RAD54B: variants seen among roughly 807,000 people sequenced by gnomAD.
RAD54B encodes RAD54 homolog B, also known as DNA repair and recombination protein RAD54B.
In RAD54B, 78 loss-of-function variants were observed where a neutral mutation model predicts 95.8. The observed-to-expected ratio is 0.81, with a 90% CI of 0.68 to 0.98. The LOEUF is 0.98. Among genes scored for constraint, RAD54B ranks in the 50% least tolerant of loss-of-function variants. The pLI, the probability that RAD54B is intolerant of heterozygous loss-of-function variation, is 0.00. For missense variants in RAD54B, 957 were observed against 1,056.6 expected (o/e 0.91, Z 1.31); for synonymous variants, 328 against 354.9 (o/e 0.92, Z 0.85).
chr8:94,439,238 C>T (rs1812339644), intron 3 of RAD54B, among the ~76,000 whole-genome samples: 1 of 152,100 alleles, frequency 6.6e-6, no homozygotes, highest in Admixed American at 6.5e-5. Context: ...AGGAAATCTT[C>T]TAAAATTGTG....
At chr8:94,432,962 A>C (rs576584612) in intron 3 of RAD54B, among the ~76,000 whole-genome samples, 9 of 152,116 alleles carry the variant, frequency 5.9e-5, no homozygotes, top group Non-Finnish European at 1.0e-4. Context: ...CATGTTGTCA[A>C]ACAGACACCA....
intron 3 of RAD54B, among the ~76,000 whole-genome samples, chr8:94,415,613 A>T (rs1234240444): frequency 7.2e-6 from 1 of 139,118 alleles, no homozygotes; most frequent in Non-Finnish European, 1.6e-5. Context: ...TTCGCAACCT[A>T]CTCATCTGAC....
At chr8:94,452,751 C>A (rs1812690607) in intron 3 of RAD54B, among the ~76,000 whole-genome samples, 1 of 152,170 alleles carries the variant, frequency 6.6e-6, no homozygotes, top group East Asian at 1.9e-4. Flanking sequence ...CCCATCTCGG[C>A]CTCCCAAAGT....
Position 94,374,172 on chromosome 8 carries a change from G to A in RAD54B, c.2516-1785C>T, listed in dbSNP as rs529390495. Among the ~76,000 whole-genome samples, 146 of 152,160 alleles carry A rather than the reference G, an allele frequency of 9.6e-4. 1 individual carries two copies. The highest frequency in any genetic ancestry group is 3.0e-3 in the African/African-American group (124 of 41,532). ...CAGGCGCCTGTAGTCCCAGCTACTC[G>A]GGAGGCTGAGGCAGGAGAATGGCGT... On this transcript the variant is annotated intron_variant, in intron 14 of 14. Coordinates refer to ENST00000336148, the MANE Select transcript of RAD54B (RefSeq NM_012415.3).
intron 3 of RAD54B, among the ~76,000 whole-genome samples, chr8:94,437,817 G>A (rs980745901): frequency 6.6e-6 from 1 of 152,156 alleles, no homozygotes; most frequent in African/African-American, 2.4e-5. Context: ...AAAGGAAACA[G>A]CTAGTCTAGC....
intron 3 of RAD54B, chr8:94,432,010 T>C (rs1286297042): frequency 2.3e-6 from 3 of 1,313,558 alleles, no homozygotes; most frequent in African/African-American, 1.5e-5. Flanking sequence ...ATCTAAAAAG[T>C]TTTTCCATAA....
chr8:94,470,594 TAAAA>T (rs58169172), intron 1 of RAD54B, among the ~76,000 whole-genome samples: 1 of 129,324 alleles, frequency 7.7e-6, no homozygotes. Flanking sequence ...AAACTTCGTC[TAAAA>T]AAAAAAAAAA....
intron 1 of RAD54B, 96 bp from the exon 2 acceptor site, chr8:94,467,651 A>T (rs3099398): frequency 7.8e-7 from 1 of 1,276,186 alleles, no homozygotes; most frequent in South Asian, 1.7e-5. Flanking sequence ...GATGGAACAG[A>T]AACCCCTCTT....
At chr8:94,390,440 C>G (rs1810989234) in intron 10 of RAD54B, among the ~76,000 whole-genome samples, 1 of 151,260 alleles carries the variant, frequency 6.6e-6, no homozygotes, top group Admixed American at 6.6e-5. Context: ...GTGGAGGTTG[C>G]AGTGAGCCAA....
intron 8 of RAD54B, among the ~76,000 whole-genome samples, chr8:94,394,684 C>T (rs764639385): frequency 2.6e-5 from 4 of 152,052 alleles, no homozygotes; most frequent in Non-Finnish European, 5.9e-5. Flanking sequence ...GAAACATTAG[C>T]ATGTTTCAAT....
chr8:94,387,730 T>G (rs1258982180), intron 10 of RAD54B, among the ~76,000 whole-genome samples: 1 of 152,236 alleles, frequency 6.6e-6, no homozygotes, highest in Non-Finnish European at 1.5e-5. Flanking sequence ...TACTTTTTAT[T>G]TCACCAATAG....
At chr8:94,472,560 A>T (rs1391821143) in intron 1 of RAD54B, among the ~76,000 whole-genome samples, 3 of 152,246 alleles carry the variant, frequency 2.0e-5, no homozygotes, top group Non-Finnish European at 4.4e-5. Context: ...CATGAAATGT[A>T]ATCAGTTCTG....
intron 1 of RAD54B, among the ~76,000 whole-genome samples, chr8:94,468,696 G>A (rs1245435253): frequency 3.3e-5 from 5 of 152,038 alleles, no homozygotes; most frequent in Non-Finnish European, 7.4e-5. Context: ...AGGAGTGGTG[G>A]CGGGCGCCTG....
chr8:94,396,537 A>G (rs1811150957), intron 8 of RAD54B, among the ~76,000 whole-genome samples: 1 of 151,954 alleles, frequency 6.6e-6, no homozygotes, highest in Non-Finnish European at 1.5e-5. Context: ...ACACATTTAT[A>G]TTTTTCCTTT....
At chr8:94,434,038 T>C (rs1041015712) in intron 3 of RAD54B, among the ~76,000 whole-genome samples, 6 of 151,846 alleles carry the variant, frequency 4.0e-5, no homozygotes, top group Admixed American at 3.9e-4. Flanking sequence ...TTCATTTTTG[T>C]TCTTGTCTCT....
intron 3 of RAD54B, chr8:94,432,512 A>G: frequency 6.4e-7 from 1 of 1,550,514 alleles, no homozygotes; most frequent in Non-Finnish European, 8.7e-7. Flanking sequence ...CTAAAGTATC[A>G]CTCTGTTGAG....
Position 94,378,256 on chromosome 8 carries a change from G to T in RAD54B, c.2439C>A (p.Phe813Leu). The change falls in exon 14 of 15, where the codon TTC becomes TTA. Residue 813 changes from phenylalanine to leucine, a missense_variant. Coordinates refer to ENST00000336148, the MANE Select transcript of RAD54B (RefSeq NM_012415.3). The stretch of plus-strand genomic sequence containing the variant: ...CACAATCTGAACTTTCATGTAATGT[G>T]AACAAATTTTTAAGTTCTTCTACTG... ...QFSVEELKNL[F>L]TLHESSDCVT... The T allele has an allele frequency of 6.2e-7, 1 of 1,613,236 alleles. No homozygotes were observed. Among genetic ancestry groups the T allele is most frequent in the South Asian group, 1.1e-5 (1 of 90,886 alleles).
intron 2 of RAD54B, among the ~76,000 whole-genome samples, chr8:94,463,003 C>T (rs1243111577): frequency 6.6e-6 from 1 of 151,808 alleles, no homozygotes; most frequent in African/African-American, 2.4e-5. Flanking sequence ...TGGTAAAACC[C>T]CAACTCTACT....
intron 3 of RAD54B, among the ~76,000 whole-genome samples, chr8:94,414,206 T>A (rs1329258030): frequency 6.6e-6 from 1 of 152,216 alleles, no homozygotes; most frequent in Admixed American, 6.5e-5. Flanking sequence ...AAGTTGCTTA[T>A]CAGCTTAAGG....
Sources: allele counts gnomAD v4.1 joint callset (sites outside exome capture counted in the v4.1 genomes callset), GRCh38; gene constraint gnomAD v4.1.1; transcripts MANE v1.5; gene names NCBI Gene and HGNC (gene_info 2026-07-23, HGNC 2026-07-21).